NLGN1: variants seen among roughly 807,000 people sequenced by gnomAD.
NLGN1 encodes neuroligin-1.
A neutral mutation model predicts 65.5 loss-of-function variants in NLGN1; 12 were observed. The ratio of observed to expected loss-of-function variants is 0.18; its 90% CI spans 0.12 to 0.30. The LOEUF (loss-of-function observed/expected upper bound fraction) is 0.30. NLGN1 is among the 10% of genes least tolerant of loss of function. NLGN1 has a pLI of 1.00. For missense variants in NLGN1, 750 were observed against 1,007.1 expected (o/e 0.74, Z 3.46); for synonymous variants, 350 against 359.5 (o/e 0.97, Z 0.30).
chr3:174,291,282 G>A (rs1459077207), downstream of NLGN1, among the ~76,000 whole-genome samples: 1 of 150,582 alleles, frequency 6.6e-6, no homozygotes, highest in African/African-American at 2.4e-5. Flanking sequence ...TGGAACCTTC[G>A]AAAAAGAAAA....
chr3:174,219,039 T>G (rs754103092), intron 4 of NLGN1, among the ~76,000 whole-genome samples: 1 of 152,100 alleles, frequency 6.6e-6, no homozygotes, highest in Admixed American at 6.6e-5. Context: ...TTCCCTCATT[T>G]TAAAATAAGG....
At chr3:174,038,277 G>A (rs539211385) in intron 4 of NLGN1, among the ~76,000 whole-genome samples, 4 of 152,184 alleles carry the variant, frequency 2.6e-5, no homozygotes, top group South Asian at 2.1e-4. Flanking sequence ...ATTTTTTAAC[G>A]CCAAGGCTAG....
chr3:173,946,031 A>G (rs1279779055), intron 4 of NLGN1, among the ~76,000 whole-genome samples: 3 of 152,340 alleles, frequency 2.0e-5, no homozygotes, highest in African/African-American at 7.2e-5. Flanking sequence ...TGTCTGTGCC[A>G]TCTGCCCTTT....
intron 4 of NLGN1, among the ~76,000 whole-genome samples, chr3:173,979,549 A>C (rs2152390400): frequency 6.6e-6 from 1 of 152,180 alleles, no homozygotes; most frequent in African/African-American, 2.4e-5. Context: ...GGTAAAAAGA[A>C]GTGACAATGT....
intron 4 of NLGN1, among the ~76,000 whole-genome samples, chr3:174,073,464 A>G (rs930025409): frequency 1.3e-5 from 2 of 152,210 alleles, no homozygotes; most frequent in Admixed American, 6.6e-5. Context: ...AGAGCTAATG[A>G]GGTTTAACTA....
At chr3:173,994,930 G>A (rs1396574917) in intron 4 of NLGN1, among the ~76,000 whole-genome samples, 4 of 152,208 alleles carry the variant, frequency 2.6e-5, no homozygotes, top group African/African-American at 9.6e-5. Context: ...AGCTAATGGA[G>A]TTAAGCACCA....
At chr3:173,578,194 C>T (rs953118503) in intron 2 of NLGN1, among the ~76,000 whole-genome samples, 5 of 149,526 alleles carry the variant, frequency 3.3e-5, no homozygotes, top group African/African-American at 4.9e-5. Flanking sequence ...TGAGATCGCA[C>T]CACTGCACTC....
At chr3:173,836,082 C>A (rs1723578292) in intron 4 of NLGN1, among the ~76,000 whole-genome samples, 1 of 152,082 alleles carries the variant, frequency 6.6e-6, no homozygotes. Context: ...AGCCAGGTAA[C>A]TTCATGCCTG....
At chr3:174,085,025 A>T (rs1363225249) in intron 4 of NLGN1, among the ~76,000 whole-genome samples, 1 of 152,050 alleles carries the variant, frequency 6.6e-6, no homozygotes, top group African/African-American at 2.4e-5. Flanking sequence ...AAAGAAAAAC[A>T]TTCTCATATT....
chr3:174,033,185 A>T (rs911226889), intron 4 of NLGN1, among the ~76,000 whole-genome samples: 4 of 152,154 alleles, frequency 2.6e-5, no homozygotes, highest in Non-Finnish European at 4.4e-5. Context: ...AGCTGAAAAG[A>T]TGCAAGACAC....
intron 4 of NLGN1, among the ~76,000 whole-genome samples, chr3:174,062,457 C>T (rs1737628608): frequency 6.6e-6 from 1 of 151,980 alleles, no homozygotes; most frequent in East Asian, 1.9e-4. Flanking sequence ...TATTGCTGTT[C>T]ACATATAATA....
intron 5 of NLGN1, among the ~76,000 whole-genome samples, chr3:174,276,431 A>AAGAC (rs1187152106): frequency 6.6e-6 from 1 of 151,800 alleles, no homozygotes; most frequent in Non-Finnish European, 1.5e-5. Flanking sequence ...GTATGATAGG[A>AAGAC]AGACAGATAA....
chr3:173,425,637 G>C (rs997935542), intron 1 of NLGN1, among the ~76,000 whole-genome samples: 1 of 152,054 alleles, frequency 6.6e-6, no homozygotes, highest in African/African-American at 2.4e-5. Context: ...TTGAAAATGA[G>C]TTGGCTGTAA....
In NLGN1 at chr3:174,072,626, G is replaced by A. The variant is rs549340738; in HGVS notation, c.647-202689G>A. Among the ~76,000 whole-genome samples, 3 of 152,240 alleles carry A rather than the reference G, an allele frequency of 2.0e-5. No homozygotes were observed. In the East Asian group the frequency reaches 5.8e-4, roughly 30 times the overall value. On this transcript the variant is annotated intron_variant, in intron 4 of 6. Coordinates refer to ENST00000457714, the Ensembl canonical transcript of NLGN1. The stretch of plus-strand genomic sequence containing the variant: ...ATGTGAGGGCAGCCACGTCTGTAAA[G>A]CTGTCTAACTGCTTCCCACAAAGCT...
At chr3:173,671,992 G>T (rs1577873046) in intron 3 of NLGN1, among the ~76,000 whole-genome samples, 1 of 151,900 alleles carries the variant, frequency 6.6e-6, no homozygotes, top group Non-Finnish European at 1.5e-5. Context: ...GGCTAATATG[G>T]TGAAACCCCG....
intron 4 of NLGN1, among the ~76,000 whole-genome samples, chr3:174,011,210 C>A (rs1725490812): frequency 6.6e-6 from 1 of 152,090 alleles, no homozygotes; most frequent in Admixed American, 6.6e-5. Flanking sequence ...CAAATCTATT[C>A]TTTTTCAGTA....
rs149873609 is a variant in NLGN1 at position 173,855,938 on chromosome 3, C to T, written c.646+48106C>T. ...CACTTGGTTTCAGGTTTACCCATCA[C>T]TCTAGCTGCTTTGTGATGAAAGAAT... On this transcript the variant is annotated intron_variant, in intron 4 of 6. Transcript: ENST00000457714. Among the ~76,000 whole-genome samples the T allele has an allele frequency of 6.7e-4, 102 of 152,250 alleles. No homozygotes were observed. In the South Asian group the frequency reaches 0.011, roughly 17 times the overall value.
At chr3:173,571,183 G>T (rs1003512005) in intron 2 of NLGN1, among the ~76,000 whole-genome samples, 1 of 152,200 alleles carries the variant, frequency 6.6e-6, no homozygotes, top group South Asian at 2.1e-4. Context: ...GCAGACCTCT[G>T]TGTGGCCATA....
At chr3:173,825,482 T>C (rs936762794) in intron 4 of NLGN1, among the ~76,000 whole-genome samples, 3 of 152,072 alleles carry the variant, frequency 2.0e-5, no homozygotes, top group Non-Finnish European at 4.4e-5. Context: ...ATTAGTAAGA[T>C]GTATTCTGTT....
Sources: gnomAD v4.1 joint callset for allele counts (sites outside exome capture counted in the v4.1 genomes callset) on GRCh38, gnomAD v4.1.1 for gene constraint, MANE v1.5 for transcripts, NCBI Gene and HGNC (gene_info 2026-07-23, HGNC 2026-07-21) for gene names.